USP34: variants seen among roughly 807,000 people sequenced by gnomAD.
The protein encoded by USP34 is ubiquitin specific peptidase 34, also known as ubiquitin carboxyl-terminal hydrolase 34.
A neutral mutation model predicts 460.3 loss-of-function variants in USP34; 70 were observed. The ratio of observed to expected loss-of-function variants is 0.15; its 90% CI spans 0.13 to 0.19. USP34 has a LOEUF of 0.19. Ranked by LOEUF, USP34 falls within the 10% of genes least tolerant of loss-of-function variation. The probability of loss-of-function intolerance (pLI) is 1.00; values close to 1 mark genes in which losing one functional copy is unlikely to be tolerated. For missense variants in USP34, 3,985 were observed against 4,236.2 expected (o/e 0.94, Z 1.65); for synonymous variants, 1,647 against 1,405.3 (o/e 1.17, Z -3.85).
intron 35 of USP34, among the ~76,000 whole-genome samples, chr2:61,283,697 G>C (rs1689604316): frequency 6.6e-6 from 1 of 152,008 alleles, no homozygotes. Flanking sequence ...GCTCACTGCA[G>C]CCTTGACCTT....
At chr2:61,265,932 T>C in intron 42 of USP34, 52 bp downstream of exon 42, 2 of 1,475,410 alleles carry the variant, frequency 1.4e-6, no homozygotes, top group South Asian at 3.0e-5. Context: ...CCTCAAAATC[T>C]TATTTCTGAA....
chr2:61,330,231 C>T (rs1388411434), intron 20 of USP34, among the ~76,000 whole-genome samples: 2 of 152,114 alleles, frequency 1.3e-5, no homozygotes, highest in East Asian at 1.9e-4. Flanking sequence ...TAAAGTAAAA[C>T]GGTCTCAAAT....
In USP34 at chr2:61,203,182, C is replaced by G; in HGVS notation, c.9466G>C (p.Ala3156Pro). ...TCAGTAAATTTTTCACAGTTGATTG[C>G]AACTCGGCATAATAGATGGATGAAC... ...HQFIHLLCRV[A>P]INCEKFTETL... is the part of the protein sequence containing the mutation. The change falls in exon 75 of 80, where the codon GCA becomes CCA. Residue 3156 changes from alanine (A) to proline (P), a missense_variant. By Grantham distance (27) the Ala-to-Pro change is conservative. Around this residue, in one of 14 missense-constraint regions of USP34, gnomAD observed 28 missense variants for 36.8 expected, o/e 0.76. Transcript: ENST00000398571. 1.1e-5 allele frequency: 17 copies of G among 1,599,424 alleles called. No individual in the cohort carries two copies. Among genetic ancestry groups the G allele is most frequent in the Non-Finnish European group, 1.4e-5 (17 of 1,173,028 alleles).
intron 21 of USP34, among the ~76,000 whole-genome samples, chr2:61,324,835 C>A (rs1691035110): frequency 6.6e-6 from 1 of 152,114 alleles, no homozygotes; most frequent in African/African-American, 2.4e-5. Flanking sequence ...AAAGTGCAAA[C>A]AATCTCAATT....
chr2:61,314,560 A>G, intron 25 of USP34, 25 bp downstream of exon 25: 8 of 1,452,724 alleles, frequency 5.5e-6, no homozygotes, highest in Non-Finnish European at 6.4e-6. Flanking sequence ...AATTCATTCT[A>G]ACAGTGTGAT....
At chr2:61,248,453 T>TAC in intron 49 of USP34, 58 bp downstream of exon 49, 1 of 1,476,400 alleles carries the variant, frequency 6.8e-7, no homozygotes, top group Admixed American at 2.2e-5. Context: ...TAATTATGCC[T>TAC]ACCTTGTTAT....
chr2:61,438,211 T>C (rs544701083), intron 1 of USP34, among the ~76,000 whole-genome samples: 4 of 152,262 alleles, frequency 2.6e-5, no homozygotes, highest in South Asian at 4.1e-4. Context: ...CGCAAATCAA[T>C]GGATGTCATA....
intron 48 of USP34, among the ~76,000 whole-genome samples, chr2:61,255,288 A>G (rs749846591): frequency 6.6e-6 from 1 of 152,224 alleles, no homozygotes; most frequent in African/African-American, 2.4e-5. Context: ...GTATTATAGT[A>G]TAAACACTTA....
chr2:61,427,655 T>A (rs1227863980), intron 1 of USP34, among the ~76,000 whole-genome samples: 1 of 152,124 alleles, frequency 6.6e-6, no homozygotes, highest in African/African-American at 2.4e-5. Context: ...GTAAGAAGAC[T>A]CCAGCAGAAA....
rs113990399 is a variant in USP34, at chr2:61,390,025, T to G, written c.753+4828A>C. Among the ~76,000 whole-genome samples, 1,250 of 152,304 alleles carry G rather than the reference T, an allele frequency of 8.2e-3. 16 individuals are homozygous for G. The highest frequency in any genetic ancestry group is 0.029 in the African/African-American group (1,187 of 41,558). On this transcript the variant is annotated intron_variant, in intron 5 of 79. Transcript: ENST00000398571. ...TATGTAATCCTACCCTAGTTTCTGA[T>G]ATTAAACAGTCTTTGCTAGTATATT...
At chr2:61,283,067 T>C in intron 37 of USP34, 78 bp downstream of exon 37, 1 of 1,484,166 alleles carries the variant, frequency 6.7e-7, no homozygotes, top group South Asian at 1.2e-5. Context: ...TTTGTTTCCA[T>C]TAGCTCTTTT....
intron 49 of USP34, among the ~76,000 whole-genome samples, chr2:61,247,053 C>T (rs972878132): frequency 4.6e-5 from 7 of 151,680 alleles, no homozygotes; most frequent in Non-Finnish European, 8.8e-5. Flanking sequence ...AAAAACACTA[C>T]GTATTAAGAG....
chr2:61,298,856 T>C (rs1287437877), intron 29 of USP34, among the ~76,000 whole-genome samples: 10 of 151,976 alleles, frequency 6.6e-5, no homozygotes, highest in Non-Finnish European at 1.3e-4. Flanking sequence ...TAAATTACAC[T>C]ATGCTAGTAT....
intron 64 of USP34, 127 bp from the exon 65 acceptor site, chr2:61,222,790 A>C: frequency 4.7e-6 from 4 of 854,922 alleles, no homozygotes; most frequent in African/African-American, 1.7e-5. Context: ...TCCACTTCTC[A>C]GGCTCAAGCG....
At chr2:61,470,583 G>A (rs1476456554) in intron 1 of USP34, 67 bp downstream of exon 1, 36 of 1,138,326 alleles carry the variant, frequency 3.2e-5, no homozygotes, top group Non-Finnish European at 4.5e-5. Flanking sequence ...GCAGCCCGGG[G>A]AGGCCAGAGA....
At chr2:61,399,698 T>C (rs2103916490) in intron 3 of USP34, among the ~76,000 whole-genome samples, 1 of 151,660 alleles carries the variant, frequency 6.6e-6, no homozygotes, top group Admixed American at 6.6e-5. Context: ...CAGTGAAACC[T>C]CGTCTCTACT....
intron 29 of USP34, among the ~76,000 whole-genome samples, chr2:61,300,378 G>A (rs1271808460): frequency 4.6e-5 from 7 of 151,674 alleles, no homozygotes; most frequent in Admixed American, 2.6e-4. Flanking sequence ...TAGTAGAGAC[G>A]GGGTTTCACC....
At chr2:61,461,231 A>G (rs113854483) in intron 1 of USP34, among the ~76,000 whole-genome samples, 1,993 of 151,882 alleles carry the variant, frequency 0.013, 14 homozygotes, top group Non-Finnish European at 0.022. Context: ...TCTCTACTAA[A>G]AATGCAAAAG....
At chr2:61,194,747 GGAATTCGCA>G (rs1324075751) in intron 75 of USP34, among the ~76,000 whole-genome samples, 1 of 152,160 alleles carries the variant, frequency 6.6e-6, no homozygotes, top group Non-Finnish European at 1.5e-5. Context: ...CCTGAGGTCA[GGAATTCGCA>G]ACCAGCCTGA....
Sources: gnomAD v4.1 joint callset for allele counts (sites outside exome capture counted in the v4.1 genomes callset) on GRCh38, gnomAD v4.1.1 for gene constraint, gnomAD v4.1.1 regional missense constraint, MANE v1.5 for transcripts, NCBI Gene and HGNC (gene_info 2026-07-23, HGNC 2026-07-21) for gene names.